GLIS3: variants seen among roughly 807,000 people sequenced by gnomAD.
The protein encoded by GLIS3 is GLIS family zinc finger 3.
GLIS3 carries 53 observed loss-of-function variants against 78.6 expected under a neutral mutation model. The ratio of observed to expected loss-of-function variants is 0.67; its 90% CI spans 0.54 to 0.85. The LOEUF (loss-of-function observed/expected upper bound fraction) is 0.85. Among genes scored for constraint, GLIS3 ranks in the 40% least tolerant of loss-of-function variants. The pLI is 0.00. For missense variants in GLIS3, 1,703 were observed against 1,231.1 expected, an observed-to-expected ratio of 1.38 and a Z score of -5.74; for synonymous variants, 684 against 509.9, an observed-to-expected ratio of 1.34 and a Z score of -4.60.
In GLIS3 at chr9:3,898,830, C is replaced by T. The variant is rs770069148; in HGVS notation, c.1989G>A (p.Arg663=). The change falls in exon 7 of 11, where the codon CGG becomes CGA. Residue 663 remains arginine (R), a synonymous_variant. Coordinates refer to ENST00000381971, the MANE Select transcript of GLIS3 (RefSeq NM_001042413.2). ...SKEQQARKKL[R]SSTELHPDLL... is the part of the protein sequence containing the mutation. Reference sequence around the variant, plus strand: ...GGTCTGGATGGAGCTCTGTGCTGGACCGCAACTAAGAGGACAAAACGGAAG... The same window carrying T: ...GGTCTGGATGGAGCTCTGTGCTGGATCGCAACTAAGAGGACAAAACGGAAG... 6.2e-7 allele frequency: 1 copy of T among 1,614,060 alleles called. No individual in the cohort carries two copies. Among genetic ancestry groups the T allele is most frequent in the Non-Finnish European group, 8.5e-7 (1 of 1,180,016 alleles).
intron 4 of GLIS3, among the ~76,000 whole-genome samples, chr9:4,046,825 T>C (rs1309983892): frequency 6.6e-6 from 1 of 152,174 alleles, no homozygotes; most frequent in Non-Finnish European, 1.5e-5. Context: ...GCAATTCTTC[T>C]TCAAATAAAT....
chr9:4,023,992 T>G (rs1442594771), intron 4 of GLIS3, among the ~76,000 whole-genome samples: 1 of 151,226 alleles, frequency 6.6e-6, no homozygotes, highest in Non-Finnish European at 1.5e-5. Flanking sequence ...AGACCATGTT[T>G]CATTCATAGA....
At chr9:4,324,865 T>C (rs1817579158) in intron 2 of GLIS3, among the ~76,000 whole-genome samples, 1 of 152,218 alleles carries the variant, frequency 6.6e-6, no homozygotes, top group East Asian at 1.9e-4. Context: ...TTCTCTTACC[T>C]TGCTTTAAAA....
At chr9:3,848,609 G>A (rs1398092882) in intron 9 of GLIS3, among the ~76,000 whole-genome samples, 1 of 152,242 alleles carries the variant, frequency 6.6e-6, no homozygotes, top group South Asian at 2.1e-4. Flanking sequence ...GCATCTTGCT[G>A]GAAAGTACCA....
At chr9:3,838,357 C>G (rs1008144989) in intron 9 of GLIS3, among the ~76,000 whole-genome samples, 1 of 152,178 alleles carries the variant, frequency 6.6e-6, no homozygotes, top group East Asian at 1.9e-4. Flanking sequence ...CTACAGTCCT[C>G]AGCTCTCTGT....
At chr9:4,157,922 A>T (rs1241020727) in intron 2 of GLIS3, among the ~76,000 whole-genome samples, 1 of 152,150 alleles carries the variant, frequency 6.6e-6, no homozygotes, top group Admixed American at 6.5e-5. Context: ...TCCTCAAAAA[A>T]CCTTTTCAGT....
At chr9:4,417,118 A>G in the GLIS3 span, among the ~76,000 whole-genome samples, 1 of 152,198 alleles carries the variant, frequency 6.6e-6, no homozygotes, top group Non-Finnish European at 1.5e-5. Flanking sequence ...TTTTCCGTCT[A>G]TTAGTAAACT....
chr9:4,129,442 T>C (rs892618903), intron 2 of GLIS3, among the ~76,000 whole-genome samples: 7 of 152,248 alleles, frequency 4.6e-5, no homozygotes, highest in Middle Eastern at 3.4e-3. Flanking sequence ...GATTGGATCA[T>C]GGGGGGTGGA....
intron 4 of GLIS3, among the ~76,000 whole-genome samples, chr9:4,087,420 G>T (rs1829125487): frequency 6.6e-6 from 1 of 152,158 alleles, no homozygotes; most frequent in Admixed American, 6.5e-5. Context: ...AAGGAAAATG[G>T]ATTCTGAAAT....
chr9:3,844,082 AG>A (rs1193300178), intron 9 of GLIS3, among the ~76,000 whole-genome samples: 1 of 152,172 alleles, frequency 6.6e-6, no homozygotes, highest in Non-Finnish European at 1.5e-5. Context: ...AGAAATTTTA[AG>A]GGAATTGGGA....
chr9:4,360,772 G>A, the GLIS3 span, among the ~76,000 whole-genome samples: 1 of 152,172 alleles, frequency 6.6e-6, no homozygotes, highest in Non-Finnish European at 1.5e-5. Context: ...AGTGTGTTGA[G>A]GCACAGACAC....
chr9:4,449,466 G>C, the GLIS3 span, among the ~76,000 whole-genome samples: 5 of 152,216 alleles, frequency 3.3e-5, no homozygotes, highest in Non-Finnish European at 5.9e-5. Flanking sequence ...GAAGAGAGCA[G>C]TGGTTCTACC....
Position 3,828,219 on chromosome 9 carries a change from A to C in GLIS3, c.*53T>G. On this transcript the variant is annotated 3_prime_UTR_variant, in exon 11 of 11. Coordinates refer to ENST00000381971, the MANE Select transcript of GLIS3 (RefSeq NM_001042413.2). ...CAGTCTGTGAGAGTACGAAAACAAA[A>C]GGTGGCAAGCAACATCAAGGTCCTG... 6.2e-7 allele frequency: 1 copy of C among 1,610,374 alleles called. No homozygotes were observed. Among genetic ancestry groups the C allele is most frequent in the South Asian group, 1.1e-5 (1 of 90,936 alleles).
intron 2 of GLIS3, among the ~76,000 whole-genome samples, chr9:4,127,689 A>G (rs1033573144): frequency 1.3e-5 from 2 of 152,208 alleles, no homozygotes; most frequent in African/African-American, 2.4e-5. Flanking sequence ...ATAAGACTGA[A>G]TGAATGAATT....
intron 4 of GLIS3, among the ~76,000 whole-genome samples, chr9:3,993,382 T>G (rs618732): frequency 0.062 from 9,421 of 152,250 alleles, 980 homozygotes; most frequent in African/African-American, 0.22. Context: ...CTCGTTAATA[T>G]TAGTAGTATT....
intron 4 of GLIS3, among the ~76,000 whole-genome samples, chr9:3,998,858 A>G (rs2129887275): frequency 1.3e-5 from 2 of 151,540 alleles, no homozygotes; most frequent in East Asian, 1.9e-4. Flanking sequence ...GTATTCTCCA[A>G]TCATTATCAC....
intron 8 of GLIS3, among the ~76,000 whole-genome samples, chr9:3,856,748 T>C (rs1164061971): frequency 6.6e-6 from 1 of 152,226 alleles, no homozygotes; most frequent in African/African-American, 2.4e-5. Context: ...CAAGTATGGC[T>C]TGAAACCCAC....
chr9:4,348,298 A>G (rs1006567545), exon 1 of GLIS3: 1 of 152,214 alleles, frequency 6.6e-6, no homozygotes, highest in Non-Finnish European at 1.5e-5. Context: ...TCGAGGACCA[A>G]GGTTTCTTTC....
chr9:3,951,876 ACACACACACGCACG>A, intron 4 of GLIS3, among the ~76,000 whole-genome samples: 1 of 149,676 alleles, frequency 6.7e-6, no homozygotes, highest in East Asian at 2.0e-4. Flanking sequence ...ACACACACAC[ACACACACACGCACG>A]CACACACCCA....
Sources: gnomAD v4.1 joint callset for allele counts (sites outside exome capture counted in the v4.1 genomes callset) on GRCh38, gnomAD v4.1.1 for gene constraint, MANE v1.5 for transcripts, NCBI Gene and HGNC (gene_info 2026-07-23, HGNC 2026-07-21) for gene names.